RARB: variants seen among roughly 807,000 people sequenced by gnomAD.
The protein encoded by RARB is retinoic acid receptor beta.
A neutral mutation model predicts 51.9 loss-of-function variants in RARB; 17 were observed. That is an observed-to-expected ratio of 0.33 (90% CI 0.22 to 0.49). RARB has a LOEUF of 0.49. Among genes scored for constraint, RARB ranks in the 20% least tolerant of loss-of-function variants. The probability of loss-of-function intolerance (pLI) is 0.99; values close to 1 mark genes in which losing one functional copy is unlikely to be tolerated. For missense variants in RARB, 369 were observed against 550.8 expected (o/e 0.67, Z 3.30); for synonymous variants, 215 against 195.4 (o/e 1.10, Z -0.84).
At chr3:25,256,486 A>G (rs1032598254) in intron 5 of RARB, among the ~76,000 whole-genome samples, 6 of 152,062 alleles carry the variant, frequency 3.9e-5, no homozygotes, top group Non-Finnish European at 8.8e-5. Flanking sequence ...AATAAGAAGA[A>G]ATTGATTGAA....
chr3:24,971,024 A>T (rs539708972), intron 2 of RARB, among the ~76,000 whole-genome samples: 100 of 152,094 alleles, frequency 6.6e-4, no homozygotes, highest in Non-Finnish European at 1.0e-3. Context: ...TCGTTCTAGT[A>T]TTCCAATGTA....
At chr3:25,208,078 T>C (rs78582253) in intron 5 of RARB, among the ~76,000 whole-genome samples, 11 of 151,910 alleles carry the variant, frequency 7.2e-5, no homozygotes, top group African/African-American at 2.7e-4. Context: ...ATCTCATGAG[T>C]ACTCACTCAT....
chr3:24,987,483 G>A (rs1291438487), intron 2 of RARB, among the ~76,000 whole-genome samples: 1 of 152,202 alleles, frequency 6.6e-6, no homozygotes, highest in African/African-American at 2.4e-5. Context: ...ACTGCAAAGG[G>A]AGGTTAGAGA....
intron 2 of RARB, among the ~76,000 whole-genome samples, chr3:24,888,640 G>A (rs1051094510): frequency 6.6e-5 from 10 of 152,044 alleles, no homozygotes; most frequent in Non-Finnish European, 1.5e-4. Context: ...TTGTTTTTGG[G>A]AATTGTGATG....
At chr3:25,107,055 T>G (rs1699520600) in intron 3 of RARB, among the ~76,000 whole-genome samples, 1 of 152,022 alleles carries the variant, frequency 6.6e-6, no homozygotes. Context: ...TAAGCACCAC[T>G]ATACCCAGCT....
Position 25,037,929 on chromosome 3 carries a change from A to G in RARB, c.-379-22196A>G, listed in dbSNP as rs918496841. On this transcript the variant is annotated intron_variant, in intron 2 of 11. Coordinates refer to the RARB transcript ENST00000383772. ...AGAGAGAAAACCAGAAGAGAGAAAAAGAGTAATATTCCAGGAGAGAAATTG... is the reference window on the plus strand; with the variant it reads ...AGAGAGAAAACCAGAAGAGAGAAAAGGAGTAATATTCCAGGAGAGAAATTG... Among the ~76,000 whole-genome samples, 4 of 152,158 alleles carry G rather than the reference A, an allele frequency of 2.6e-5. 1 individual carries two copies. Among genetic ancestry groups the G allele is most frequent in the Non-Finnish European group, 5.9e-5 (4 of 68,016 alleles).
chr3:24,853,309 T>G (rs1423994910), intron 1 of RARB, among the ~76,000 whole-genome samples: 1 of 152,078 alleles, frequency 6.6e-6, no homozygotes, highest in Non-Finnish European at 1.5e-5. Flanking sequence ...AGAGTGAGAC[T>G]CTATCTTAAA....
intron 3 of RARB, among the ~76,000 whole-genome samples, chr3:25,120,435 T>C (rs186129333): frequency 6.6e-6 from 1 of 152,190 alleles, no homozygotes; most frequent in Admixed American, 6.6e-5. Context: ...AAATGTTTAA[T>C]ATCTCTAGTT....
intron 2 of RARB, among the ~76,000 whole-genome samples, chr3:24,987,018 C>T (rs933283807): frequency 1.3e-5 from 2 of 152,210 alleles, no homozygotes; most frequent in African/African-American, 4.8e-5. Context: ...TCAAAAAATA[C>T]GGGTTTGAAA....
intron 2 of RARB, among the ~76,000 whole-genome samples, chr3:24,922,991 T>C (rs547550787): frequency 1.3e-5 from 2 of 152,212 alleles, no homozygotes; most frequent in Non-Finnish European, 2.9e-5. Flanking sequence ...TATTTTTTCT[T>C]TGTTCTTGGA....
At chr3:25,347,007 T>C (rs1280881874) in intron 5 of RARB, among the ~76,000 whole-genome samples, 2 of 152,124 alleles carry the variant, frequency 1.3e-5, no homozygotes, top group Non-Finnish European at 1.5e-5. Context: ...AGAGAAAGCA[T>C]TGGGAATATA....
chr3:25,425,114 G>A (rs144046109), upstream of RARB, among the ~76,000 whole-genome samples: 226 of 152,280 alleles, frequency 1.5e-3, no homozygotes, highest in African/African-American at 5.1e-3. Context: ...ACACATATCA[G>A]AATGTTATTT....
At chr3:25,372,404 A>G (rs748761564) in intron 5 of RARB, among the ~76,000 whole-genome samples, 13 of 152,258 alleles carry the variant, frequency 8.5e-5, no homozygotes, top group Non-Finnish European at 1.3e-4. Context: ...ACTGATTTTA[A>G]TAAATCACTC....
At chr3:25,179,355 C>T (rs529968026) in intron 5 of RARB, among the ~76,000 whole-genome samples, 1 of 152,130 alleles carries the variant, frequency 6.6e-6, no homozygotes, top group Admixed American at 6.6e-5. Context: ...TAATTTCTAC[C>T]ATCACCTTTT....
At chr3:25,045,229 G>A (rs965001905) in intron 2 of RARB, among the ~76,000 whole-genome samples, 2 of 152,118 alleles carry the variant, frequency 1.3e-5, no homozygotes, top group Non-Finnish European at 2.9e-5. Context: ...TTAAACCTCT[G>A]AGCCAGGAGG....
intron 5 of RARB, among the ~76,000 whole-genome samples, chr3:25,406,928 T>C (rs1384371211): frequency 1.3e-5 from 2 of 152,212 alleles, no homozygotes; most frequent in Non-Finnish European, 2.9e-5. Context: ...CAGCCCTTTG[T>C]TTTGATGCCT....
chr3:25,222,946 T>G (rs939170260), intron 5 of RARB, among the ~76,000 whole-genome samples: 14 of 152,214 alleles, frequency 9.2e-5, no homozygotes, highest in African/African-American at 3.4e-4. Flanking sequence ...TAGGATTTTT[T>G]TCTACCGTTT....
intron 4 of RARB, among the ~76,000 whole-genome samples, chr3:25,163,638 T>C (rs1700511766): frequency 6.6e-6 from 1 of 151,760 alleles, no homozygotes; most frequent in Non-Finnish European, 1.5e-5. Flanking sequence ...ATTAATAATA[T>C]TTGCATGGCC....
intron 5 of RARB, among the ~76,000 whole-genome samples, chr3:25,323,338 T>C (rs2125440602): frequency 6.6e-6 from 1 of 152,294 alleles, no homozygotes; most frequent in South Asian, 2.1e-4. Flanking sequence ...TAAGAGCAAT[T>C]GCTGTGGTCA....
Sources: allele counts gnomAD v4.1 joint callset (sites outside exome capture counted in the v4.1 genomes callset), GRCh38; gene constraint gnomAD v4.1.1; transcripts MANE v1.5; gene names NCBI Gene and HGNC (gene_info 2026-07-23, HGNC 2026-07-21).